Variants in FBLN7 observed in about 807,000 individuals in gnomAD.
FBLN7 encodes the protein fibulin 7.
In FBLN7, 31 loss-of-function variants were observed where a neutral mutation model predicts 44.0. The observed-to-expected ratio is 0.70, with a 90% CI of 0.53 to 0.95. FBLN7 has a LOEUF of 0.95. Among genes scored for constraint, FBLN7 ranks in the 40% least tolerant of loss-of-function variants. The probability of loss-of-function intolerance (pLI) is 0.00; values close to 1 mark genes in which losing one functional copy is unlikely to be tolerated. For synonymous variants in FBLN7, 262 were observed against 253.4 expected (o/e 1.03, Z -0.32); for missense variants, 573 against 618.5 (o/e 0.93, Z 0.78).
chr2:112,188,863 A>G (rs543130065), downstream of FBLN7: 4 of 152,374 alleles, frequency 2.6e-5, no homozygotes, highest in South Asian at 8.3e-4. Flanking sequence ...CTCTAACAAC[A>G]GAAAAAGGAC....
At chr2:112,203,280 C>T in the FBLN7 span, among the ~76,000 whole-genome samples, 1 of 152,150 alleles carries the variant, frequency 6.6e-6, no homozygotes, top group Non-Finnish European at 1.5e-5. Flanking sequence ...AGGTATGTCC[C>T]AACTCACACA....
the FBLN7 span, chr2:112,231,941 T>C: frequency 6.5e-7 from 1 of 1,543,500 alleles, no homozygotes; most frequent in Non-Finnish European, 8.8e-7. Flanking sequence ...CTTACAAGGA[T>C]ATTCATGTAA....
intron 3 of FBLN7, among the ~76,000 whole-genome samples, chr2:112,167,860 G>A (rs1284197009): frequency 6.0e-5 from 5 of 83,260 alleles, no homozygotes; most frequent in African/African-American, 2.2e-4. Flanking sequence ...TCTCTGTCCA[G>A]GAAAGACACG....
chr2:112,141,880 G>A (rs1680666004), intron 1 of FBLN7, among the ~76,000 whole-genome samples: 1 of 152,182 alleles, frequency 6.6e-6, no homozygotes, highest in Non-Finnish European at 1.5e-5. Flanking sequence ...CAGAGGCAAA[G>A]TGAGCTCACC....
chr2:112,231,776 C>T, the FBLN7 span: 2 of 1,032,258 alleles, frequency 1.9e-6, no homozygotes, highest in Non-Finnish European at 1.4e-6. Context: ...AAATTCTCAT[C>T]CTTAGTTCAA....
intron 6 of FBLN7, among the ~76,000 whole-genome samples, chr2:112,184,828 C>CAT (rs991998631): frequency 7.1e-6 from 1 of 140,546 alleles, no homozygotes; most frequent in African/African-American, 2.9e-5. Context: ...ATACCATATA[C>CAT]ATATATATAC....
Position 112,165,118 on chromosome 2 carries a change from G to C in FBLN7, c.353G>C (p.Ser118Thr). The C allele has an allele frequency of 6.2e-7, 1 of 1,614,224 alleles. No homozygotes were observed. Among genetic ancestry groups the C allele is most frequent in the African/African-American group, 1.3e-5 (1 of 75,054 alleles). ...NPGFRLVGPS[S>T]VVCLPNGTWT... ...GGGTTCCGGCTGGTCGGGCCCAGCA[G>C]CGTGGTGTGTCTTCCCAATGGCACC... The change falls in exon 3 of 8, where the codon AGC (serine) becomes ACC (threonine). Residue 118 changes from serine to threonine, a missense_variant. Physicochemically the swap from Ser to Thr is moderately conservative, Grantham distance 58. Transcript: ENST00000331203.
chr2:112,160,223 C>T (rs1191393656), intron 2 of FBLN7, among the ~76,000 whole-genome samples: 2 of 152,160 alleles, frequency 1.3e-5, no homozygotes, highest in Non-Finnish European at 2.9e-5. Context: ...ATCTCCTGAC[C>T]TCGTGATCCG....
At chr2:112,243,669 A>T in the FBLN7 span, among the ~76,000 whole-genome samples, 1 of 152,204 alleles carries the variant, frequency 6.6e-6, no homozygotes, top group Non-Finnish European at 1.5e-5. Flanking sequence ...TGTGTTGTGG[A>T]AACTTGTTTT....
chr2:112,228,860 G>A, the FBLN7 span, among the ~76,000 whole-genome samples: 82 of 151,262 alleles, frequency 5.4e-4, no homozygotes, highest in Non-Finnish European at 1.1e-3. Context: ...TCCAACATAC[G>A]TAAAGAACTC....
the FBLN7 span, among the ~76,000 whole-genome samples, chr2:112,200,312 G>A: frequency 2.6e-5 from 4 of 152,266 alleles, no homozygotes; most frequent in African/African-American, 9.6e-5. Context: ...GAGGAACTGT[G>A]CAGAGCCATG....
At chr2:112,232,268 A>T in the FBLN7 span, among the ~76,000 whole-genome samples, 1 of 141,544 alleles carries the variant, frequency 7.1e-6, no homozygotes, top group Non-Finnish European at 1.5e-5. Context: ...GCGAACCAAG[A>T]TTGTCCACTG....
At chr2:112,222,846 A>G in the FBLN7 span, among the ~76,000 whole-genome samples, 2 of 152,212 alleles carry the variant, frequency 1.3e-5, no homozygotes, top group Non-Finnish European at 2.9e-5. Flanking sequence ...CTCTGGTAAT[A>G]TATGTGGTGG....
rs71826516 is a variant in FBLN7 at position 112,160,848 on chromosome 2, G to GCACACACA, written c.235+1025_235+1032dup. Among the ~76,000 whole-genome samples the GCACACACA allele has an allele frequency of 5.3e-4, 79 of 148,152 alleles. No homozygotes were observed. The East Asian group carries it at 0.014, about 27-fold the overall frequency. On this transcript the variant is annotated intron_variant, in intron 2 of 7. Coordinates refer to ENST00000331203, the MANE Select transcript of FBLN7 (RefSeq NM_153214.3). ...AGCACGCATACACGCACGCACACGC[G>GCACACACA]CACACACACACACACACACTCAGCC...
chr2:112,163,141 G>T (rs907598371), intron 2 of FBLN7, among the ~76,000 whole-genome samples: 1 of 152,114 alleles, frequency 6.6e-6, no homozygotes, highest in Non-Finnish European at 1.5e-5. Context: ...ACCTCCCTCC[G>T]CCCCAGCTCA....
At chr2:112,160,139 C>G (rs372876072) in intron 2 of FBLN7, among the ~76,000 whole-genome samples, 1 of 152,080 alleles carries the variant, frequency 6.6e-6, no homozygotes, top group South Asian at 2.1e-4. Flanking sequence ...TACAGGCGCC[C>G]GCCACCACGC....
chr2:112,169,163 T>G (rs749322159), intron 3 of FBLN7, among the ~76,000 whole-genome samples: 14 of 152,066 alleles, frequency 9.2e-5, no homozygotes, highest in Non-Finnish European at 1.8e-4. Flanking sequence ...TCCCAGCTAC[T>G]CAGGAGGCTG....
chr2:112,180,629 C>T (rs1213709391), intron 4 of FBLN7, among the ~76,000 whole-genome samples: 4 of 152,114 alleles, frequency 2.6e-5, no homozygotes, highest in African/African-American at 7.2e-5. Flanking sequence ...AAAGAAAATG[C>T]GGTACATGGG....
rs144817987 is a variant in FBLN7, at chr2:112,186,340, G to A, written c.948-794G>A. Among the ~76,000 whole-genome samples the A allele has an allele frequency of 7.9e-5, 12 of 152,212 alleles. No homozygotes were observed. The South Asian group carries it at 8.3e-4, about 11-fold the overall frequency. ...GATTAAGGAAAACAGGGCTTCCTGC[G>A]TTGAGAATACACGTGATGGCCAGGC... On this transcript the variant is annotated intron_variant, in intron 7 of 7. Transcript: ENST00000331203.
Sources: gnomAD v4.1 joint callset for allele counts (sites outside exome capture counted in the v4.1 genomes callset) on GRCh38, gnomAD v4.1.1 for gene constraint, MANE v1.5 for transcripts, NCBI Gene and HGNC (gene_info 2026-07-23, HGNC 2026-07-21) for gene names.